Variants in KSR2 observed in about 807,000 individuals in gnomAD.
The protein encoded by KSR2 is kinase suppressor of ras 2.
Under a neutral mutation model 107.8 loss-of-function variants are expected in KSR2, and 25 were observed. That is an observed-to-expected ratio of 0.23 (90% confidence interval 0.17 to 0.32). KSR2 has a LOEUF of 0.32. Ranked by LOEUF, KSR2 falls within the 10% of genes least tolerant of loss-of-function variation. The pLI is 1.00. For synonymous variants in KSR2, 480 were observed against 507.0 expected (o/e 0.95, Z 0.71); for missense variants, 887 against 1,268.9 (o/e 0.70, Z 4.57).
intron 1 of KSR2, among the ~76,000 whole-genome samples, chr12:117,917,133 G>A (rs1776170641): frequency 1.3e-5 from 2 of 152,224 alleles, no homozygotes; most frequent in East Asian, 1.9e-4. Flanking sequence ...GTCTCCAGAT[G>A]TTGCCAAATG....
chr12:117,573,026 A>G (rs1878996387), intron 7 of KSR2, among the ~76,000 whole-genome samples: 1 of 152,240 alleles, frequency 6.6e-6, no homozygotes, highest in South Asian at 2.1e-4. Flanking sequence ...GCTAAACTCC[A>G]TTCCGCTCTC....
At position 117,819,935 on chromosome 12, in the gene KSR2, A is replaced by T. The variant is rs572995356; in HGVS notation, c.472+35493T>A. 3.9e-5 allele frequency among the ~76,000 whole-genome samples: 6 copies of T among 152,336 alleles called. No individual in the cohort carries two copies. In the South Asian group the frequency reaches 1.0e-3, roughly 26 times the overall value. On this transcript the variant is annotated intron_variant, in intron 3 of 19. Coordinates refer to ENST00000339824, the MANE Select transcript of KSR2 (RefSeq NM_173598.6). ...CTTTGTTAAAAATGCATAGGAAAAA[A>T]GCCTAAAAGGTTTTATAATTAAAAT...
At chr12:117,603,934 T>G (rs766252713) in intron 5 of KSR2, among the ~76,000 whole-genome samples, 9 of 152,204 alleles carry the variant, frequency 5.9e-5, no homozygotes, top group African/African-American at 2.4e-5. Flanking sequence ...CCCTCTGCAA[T>G]TTCAACAAAG....
chr12:117,723,160 C>T (rs866464750), intron 4 of KSR2, among the ~76,000 whole-genome samples: 2 of 152,166 alleles, frequency 1.3e-5, no homozygotes, highest in South Asian at 2.1e-4. Flanking sequence ...CACTCACAAC[C>T]GAAGAATCAA....
At chr12:117,612,110 A>G (rs2136319006) in intron 5 of KSR2, among the ~76,000 whole-genome samples, 1 of 152,304 alleles carries the variant, frequency 6.6e-6, no homozygotes. Flanking sequence ...AAATGGTTAA[A>G]GTGGTATATC....
intron 5 of KSR2, among the ~76,000 whole-genome samples, chr12:117,597,336 A>G (rs1880706187): frequency 6.6e-6 from 1 of 152,258 alleles, no homozygotes; most frequent in South Asian, 2.1e-4. Context: ...TCACACCAAC[A>G]TAATACTTCA....
chr12:117,886,250 T>C (rs1417811475), intron 1 of KSR2, among the ~76,000 whole-genome samples: 2 of 142,498 alleles, frequency 1.4e-5, no homozygotes, highest in Non-Finnish European at 3.0e-5. Context: ...GTATTATATA[T>C]GTATGTTTAT....
At chr12:117,625,892 T>G (rs1310674473) in intron 5 of KSR2, among the ~76,000 whole-genome samples, 1 of 152,240 alleles carries the variant, frequency 6.6e-6, no homozygotes, top group Non-Finnish European at 1.5e-5. Context: ...CTGTTATTAG[T>G]CTATTCAGAG....
At chr12:117,919,087 A>G (rs1895268319) in intron 1 of KSR2, among the ~76,000 whole-genome samples, 1 of 152,210 alleles carries the variant, frequency 6.6e-6, no homozygotes, top group South Asian at 2.1e-4. Flanking sequence ...GCAGTGAGCC[A>G]TGATCATGCC....
chr12:117,508,877 G>A (rs532685989), intron 14 of KSR2, among the ~76,000 whole-genome samples: 1 of 147,142 alleles, frequency 6.8e-6, no homozygotes, highest in Admixed American at 6.7e-5. Context: ...TAGATGGATA[G>A]ATGGGTGGAT....
At chr12:117,941,827 G>C (rs1490469641) in intron 1 of KSR2, among the ~76,000 whole-genome samples, 2 of 126,464 alleles carry the variant, frequency 1.6e-5, no homozygotes, top group African/African-American at 5.9e-5. Flanking sequence ...AGTTTTAGTA[G>C]AGACGGAGTT....
At chr12:117,796,090 CTAATTTTT>C (rs71099079) in intron 3 of KSR2, among the ~76,000 whole-genome samples, 47,803 of 151,566 alleles carry the variant, frequency 0.32, 8,096 homozygotes, top group East Asian at 0.58. Context: ...CCATGCCTAG[CTAATTTTT>C]TAATTTTTTT....
chr12:117,531,849 A>T, intron 10 of KSR2, 142 bp from the exon 11 acceptor site: 1 of 571,616 alleles, frequency 1.7e-6, no homozygotes, highest in Non-Finnish European at 3.0e-6. Context: ...ATCCCTGCAG[A>T]CAAGGGACTG....
At chr12:117,846,503 A>T (rs975103210) in intron 3 of KSR2, among the ~76,000 whole-genome samples, 2 of 150,842 alleles carry the variant, frequency 1.3e-5, no homozygotes, top group Admixed American at 1.3e-4. Flanking sequence ...GGGTCTTGCT[A>T]TGTTGCCCAG....
intron 5 of KSR2, among the ~76,000 whole-genome samples, chr12:117,658,517 G>T (rs1368916659): frequency 6.6e-6 from 1 of 152,194 alleles, no homozygotes; most frequent in Admixed American, 6.5e-5. Context: ...TGGATGCTTT[G>T]TGTTACAATG....
intron 9 of KSR2, among the ~76,000 whole-genome samples, chr12:117,549,401 T>C (rs963329637): frequency 1.3e-5 from 2 of 152,100 alleles, no homozygotes; most frequent in Admixed American, 6.5e-5. Flanking sequence ...GAAGTTTCCA[T>C]AGATGCTCTG....
chr12:117,831,310 G>A (rs982657175), intron 3 of KSR2, among the ~76,000 whole-genome samples: 4 of 152,158 alleles, frequency 2.6e-5, no homozygotes, highest in East Asian at 3.9e-4. Flanking sequence ...GAAGTTTCCC[G>A]CTTGTTCCAT....
intron 3 of KSR2, among the ~76,000 whole-genome samples, chr12:117,793,586 T>TGCACACACCTTTACACCAAC (rs1890389235): frequency 8.9e-6 from 1 of 112,632 alleles, no homozygotes; most frequent in African/African-American, 3.6e-5. Flanking sequence ...TTTACACCAA[T>TGCACACACCTTTACACCAAC]ATGCACACAT....
At chr12:117,556,387 G>A (rs1338154320) in intron 8 of KSR2, among the ~76,000 whole-genome samples, 2 of 152,140 alleles carry the variant, frequency 1.3e-5, no homozygotes, top group Non-Finnish European at 2.9e-5. Context: ...TCTCAAGGGA[G>A]GTGAGAATTC....
Sources: allele counts gnomAD v4.1 joint callset (sites outside exome capture counted in the v4.1 genomes callset), GRCh38; gene constraint gnomAD v4.1.1; transcripts MANE v1.5; gene names NCBI Gene and HGNC (gene_info 2026-07-23, HGNC 2026-07-21).